The following RBFOX1 variants were observed in gnomAD, a reference collection of about 807,000 sequenced individuals.
RBFOX1 encodes the protein RNA binding fox-1 homolog 1.
Under a neutral mutation model 57.7 loss-of-function variants are expected in RBFOX1, and 8 were observed. That is an observed-to-expected ratio of 0.14 (90% CI 0.08 to 0.25). The LOEUF (loss-of-function observed/expected upper bound fraction) is 0.25. RBFOX1 is among the 10% of genes least tolerant of loss of function. The probability of loss-of-function intolerance (pLI) is 1.00; values close to 1 mark genes in which losing one functional copy is unlikely to be tolerated. For missense variants in RBFOX1, 611 were observed against 548.5 expected (o/e 1.11, Z -1.14); for synonymous variants, 326 against 222.4 (o/e 1.47, Z -4.15).
intron 2 of RBFOX1, among the ~76,000 whole-genome samples, chr16:6,611,706 G>A (rs767796035): frequency 6.6e-6 from 1 of 152,134 alleles, no homozygotes; most frequent in Admixed American, 6.5e-5. Flanking sequence ...CGTGGCTTCT[G>A]GATATTTTCA....
intron 4 of RBFOX1, among the ~76,000 whole-genome samples, chr16:7,299,215 A>G (rs1198957863): frequency 6.6e-6 from 1 of 152,140 alleles, no homozygotes; most frequent in African/African-American, 2.4e-5. Flanking sequence ...TATATTATTG[A>G]TAGGCATTTT....
At chr16:7,318,964 T>A (rs1256044625) in intron 4 of RBFOX1, among the ~76,000 whole-genome samples, 1 of 152,106 alleles carries the variant, frequency 6.6e-6, no homozygotes, top group East Asian at 1.9e-4. Context: ...AAATGTTAGG[T>A]CCCAGTGGGA....
chr16:6,122,637 G>T (rs1269160472), intron 1 of RBFOX1, among the ~76,000 whole-genome samples: 2 of 152,096 alleles, frequency 1.3e-5, no homozygotes, highest in East Asian at 3.9e-4. Context: ...CTGACAGTGG[G>T]TGGCCAATGT....
At chr16:6,908,958 A>G (rs983320541) in intron 3 of RBFOX1, among the ~76,000 whole-genome samples, 1 of 152,052 alleles carries the variant, frequency 6.6e-6, no homozygotes. Flanking sequence ...TCCCCCCAAC[A>G]CGCTCTCTCT....
chr16:5,385,042 C>T (rs953852716), intron 1 of RBFOX1, among the ~76,000 whole-genome samples: 17 of 152,298 alleles, frequency 1.1e-4, no homozygotes, highest in African/African-American at 4.1e-4. Flanking sequence ...TGGGTGTTAA[C>T]ACAAAAGAAG....
chr16:5,303,283 C>A (rs1361093429), intron 1 of RBFOX1, among the ~76,000 whole-genome samples: 1 of 152,118 alleles, frequency 6.6e-6, no homozygotes. Context: ...CCCTATTCTC[C>A]CTGGGATTTT....
At chr16:6,723,585 G>A (rs12935317) in intron 3 of RBFOX1, among the ~76,000 whole-genome samples, 31,615 of 152,128 alleles carry the variant, frequency 0.21, 3,573 homozygotes, top group East Asian at 0.43. Flanking sequence ...GTGGATGGCA[G>A]TAGGGGATAT....
chr16:5,315,120 G>T (rs544130874), intron 1 of RBFOX1, among the ~76,000 whole-genome samples: 9 of 152,248 alleles, frequency 5.9e-5, no homozygotes, highest in African/African-American at 2.2e-4. Context: ...GAACCATTTG[G>T]AAGACGCATA....
chr16:7,214,616 C>A (rs930247431), intron 4 of RBFOX1, among the ~76,000 whole-genome samples: 1 of 152,042 alleles, frequency 6.6e-6, no homozygotes, highest in African/African-American at 2.4e-5. Flanking sequence ...ACTTTTAGTA[C>A]AAATCTGATC....
At chr16:7,202,114 C>A (rs1184279351) in intron 4 of RBFOX1, among the ~76,000 whole-genome samples, 2 of 151,844 alleles carry the variant, frequency 1.3e-5, no homozygotes, top group African/African-American at 4.9e-5. Context: ...ACAACAACAA[C>A]CACAGCAATA....
chr16:7,007,698 C>A (rs1328386222), intron 3 of RBFOX1, among the ~76,000 whole-genome samples: 2 of 152,142 alleles, frequency 1.3e-5, no homozygotes, highest in Non-Finnish European at 2.9e-5. Flanking sequence ...TGTACTTTTG[C>A]TGCTAATTTC....
chr16:6,825,874 C>G (rs79062980), intron 3 of RBFOX1, among the ~76,000 whole-genome samples: 4,440 of 152,282 alleles, frequency 0.029, 215 homozygotes, highest in African/African-American at 0.1. Context: ...GGGGAGCCTT[C>G]TGATGTAGGT....
At chr16:6,450,839 G>GTATATATATA (rs1202016714) in intron 2 of RBFOX1, among the ~76,000 whole-genome samples, 21 of 13,578 alleles carry the variant, frequency 1.5e-3, no homozygotes, top group African/African-American at 7.0e-3. Context: ...ATATATATGT[G>GTATATATATA]TATATATATA....
intron 2 of RBFOX1, among the ~76,000 whole-genome samples, chr16:5,542,240 A>G (rs951650515): frequency 7.4e-6 from 1 of 135,210 alleles, no homozygotes; most frequent in Non-Finnish European, 1.6e-5. Flanking sequence ...TAACACAGGT[A>G]TTGATTTTTT....
chr16:6,759,380 A>G (rs1206912163), intron 3 of RBFOX1, among the ~76,000 whole-genome samples: 2 of 151,820 alleles, frequency 1.3e-5, no homozygotes, highest in Admixed American at 6.6e-5. Context: ...TGAACTCCTG[A>G]CCTCAGGTGA....
At chr16:7,373,500 C>A (rs866907391) in intron 4 of RBFOX1, among the ~76,000 whole-genome samples, 1 of 152,132 alleles carries the variant, frequency 6.6e-6, no homozygotes, top group Non-Finnish European at 1.5e-5. Context: ...TGGTGTTAAT[C>A]TCCAGTCCCT....
chr16:6,754,208 T>C (rs971180583), intron 3 of RBFOX1, among the ~76,000 whole-genome samples: 2 of 152,188 alleles, frequency 1.3e-5, no homozygotes, highest in African/African-American at 4.8e-5. Flanking sequence ...GCTAGGAAAG[T>C]GTCTATGCTC....
intron 10 of RBFOX1, among the ~76,000 whole-genome samples, chr16:7,630,270 A>G (rs1681303220): frequency 6.6e-6 from 1 of 152,008 alleles, no homozygotes; most frequent in Non-Finnish European, 1.5e-5. Flanking sequence ...CTTACTATCT[A>G]GCTCCCTCCA....
intron 3 of RBFOX1, among the ~76,000 whole-genome samples, chr16:6,814,983 G>T (rs564643790): frequency 6.6e-6 from 1 of 152,256 alleles, no homozygotes; most frequent in African/African-American, 2.4e-5. Flanking sequence ...CAGTGGTATG[G>T]GCCGCCCAGC....
Sources: gnomAD v4.1 joint callset for allele counts (sites outside exome capture counted in the v4.1 genomes callset) on GRCh38, gnomAD v4.1.1 for gene constraint, MANE v1.5 for transcripts, NCBI Gene and HGNC (gene_info 2026-07-23, HGNC 2026-07-21) for gene names.